Variants in NDUFS4 observed in about 807,000 individuals in gnomAD.
The protein encoded by NDUFS4 is NADH dehydrogenase [ubiquinone] iron-sulfur protein 4, mitochondrial.
In NDUFS4, 28 loss-of-function variants were observed where a neutral mutation model predicts 24.3. That is an observed-to-expected ratio of 1.15 (90% CI 0.85 to 1.58). The LOEUF is 1.58. NDUFS4 is among the 40% of genes most tolerant of loss of function. The probability of loss-of-function intolerance (pLI) is 0.00; values close to 1 mark genes in which losing one functional copy is unlikely to be tolerated. For synonymous variants in NDUFS4, 93 were observed against 69.7 expected (o/e 1.34, Z -1.67); for missense variants, 223 against 207.9 (o/e 1.07, Z -0.45).
intron 4 of NDUFS4, among the ~76,000 whole-genome samples, chr5:53,682,558 T>TTTGAG (rs1243422401): frequency 1.3e-5 from 2 of 149,544 alleles, no homozygotes; most frequent in Non-Finnish European, 3.0e-5. Flanking sequence ...AAAATCAATT[T>TTTGAG]TTGAGTTTAA....
intron 1 of NDUFS4, among the ~76,000 whole-genome samples, chr5:53,574,353 A>T (rs941467207): frequency 2.6e-5 from 4 of 152,082 alleles, no homozygotes; most frequent in Non-Finnish European, 5.9e-5. Flanking sequence ...TCTTCTTTAG[A>T]CTGTTAATGT....
chr5:53,668,611 A>C (rs1383869478), intron 4 of NDUFS4, among the ~76,000 whole-genome samples: 5 of 143,642 alleles, frequency 3.5e-5, no homozygotes, highest in Non-Finnish European at 6.1e-5. Context: ...CACCATGTCC[A>C]GCTAATTTTT....
At chr5:53,654,056 A>G (rs1752094787) in intron 3 of NDUFS4, among the ~76,000 whole-genome samples, 1 of 152,136 alleles carries the variant, frequency 6.6e-6, no homozygotes, top group Non-Finnish European at 1.5e-5. Context: ...TGCATTGGCT[A>G]GAATTTGCAA....
chr5:53,564,663 A>G (rs1176154877), intron 1 of NDUFS4, among the ~76,000 whole-genome samples: 1 of 152,026 alleles, frequency 6.6e-6, no homozygotes, highest in Non-Finnish European at 1.5e-5. Context: ...CTTAGTCTTC[A>G]CAGGCAGCTG....
chr5:53,560,795 T>C (rs1748811466), intron 1 of NDUFS4, 35 bp downstream of exon 1: 1 of 1,613,526 alleles, frequency 6.2e-7, no homozygotes, highest in Non-Finnish European at 8.5e-7. Flanking sequence ...TCAAGCTTCT[T>C]GGGTCCCTCC....
chr5:53,631,274 A>G (rs693204), intron 2 of NDUFS4, among the ~76,000 whole-genome samples: 31,076 of 152,100 alleles, frequency 0.2, 3,709 homozygotes, highest in East Asian at 0.46. Context: ...CCATAGAGGC[A>G]CCTGCCAGAT....
At chr5:53,609,393 A>G (rs1208007096) in intron 2 of NDUFS4, among the ~76,000 whole-genome samples, 2 of 152,172 alleles carry the variant, frequency 1.3e-5, no homozygotes, top group Non-Finnish European at 2.9e-5. Flanking sequence ...TTTGAAAATA[A>G]TCTTTTTTTC....
chr5:53,595,025 G>A (rs1336160436), intron 1 of NDUFS4, among the ~76,000 whole-genome samples: 1 of 151,976 alleles, frequency 6.6e-6, no homozygotes, highest in Non-Finnish European at 1.5e-5. Context: ...TTATTGAATA[G>A]CCCACCTTTT....
intron 1 of NDUFS4, among the ~76,000 whole-genome samples, chr5:53,602,874 C>T (rs1271166491): frequency 1.3e-5 from 2 of 152,096 alleles, no homozygotes; most frequent in East Asian, 1.9e-4. Context: ...TATAAAGGGG[C>T]TAGATTCTCT....
chr5:53,560,762 T>C lies in NDUFS4; in HGVS notation c.98+2T>C. 1 of 1,614,186 alleles carries C rather than the reference T, an allele frequency of 6.2e-7. No individual in the cohort carries two copies. The highest frequency in any genetic ancestry group is 8.5e-7 in the Non-Finnish European group (1 of 1,180,040). On this transcript the variant is annotated splice_donor_variant, in intron 1 of 4. Coordinates refer to ENST00000296684, the MANE Select transcript of NDUFS4 (RefSeq NM_002495.4). LOFTEE classifies it high-confidence loss of function. ...TTCCGTTTCCAGGGTTCCGACCAGG[T>C]AATAGAATTTTCACACTTTTCTTCA... is the stretch of plus-strand genomic sequence containing the variant.
chr5:53,675,179 T>C (rs1264285366), intron 4 of NDUFS4, among the ~76,000 whole-genome samples: 1 of 146,232 alleles, frequency 6.8e-6, no homozygotes, highest in African/African-American at 2.5e-5. Flanking sequence ...TTTTTTTTTT[T>C]GAGGCGGAGT....
intron 4 of NDUFS4, among the ~76,000 whole-genome samples, chr5:53,680,854 A>AAAT (rs1359848656): frequency 2.0e-5 from 3 of 152,082 alleles, no homozygotes; most frequent in Non-Finnish European, 2.9e-5. Flanking sequence ...AATAATAAAA[A>AAAT]AATACATTTC....
At chr5:53,561,453 C>G (rs1178294471) in intron 1 of NDUFS4, among the ~76,000 whole-genome samples, 1 of 151,222 alleles carries the variant, frequency 6.6e-6, no homozygotes, top group Non-Finnish European at 1.5e-5. Flanking sequence ...AAAGTATTGT[C>G]AGATTCAGTT....
At chr5:53,670,237 T>C (rs1286605671) in intron 4 of NDUFS4, among the ~76,000 whole-genome samples, 1 of 151,980 alleles carries the variant, frequency 6.6e-6, no homozygotes, top group African/African-American at 2.4e-5. Context: ...TGACAGCACC[T>C]AACCTTCTAG....
At chr5:53,603,563 C>T (rs1169448872) in intron 2 of NDUFS4, 33 bp downstream of exon 2, 3 of 1,536,648 alleles carry the variant, frequency 2.0e-6, no homozygotes, top group Non-Finnish European at 2.7e-6. Context: ...TGCTATGGTT[C>T]TGCCTTCAGG....
At chr5:53,601,319 G>T (rs1185108500) in intron 1 of NDUFS4, among the ~76,000 whole-genome samples, 1 of 152,064 alleles carries the variant, frequency 6.6e-6, no homozygotes, top group Non-Finnish European at 1.5e-5. Flanking sequence ...GTTTACAAAA[G>T]ATGTTATATA....
intron 2 of NDUFS4, among the ~76,000 whole-genome samples, chr5:53,631,951 G>C (rs1751423202): frequency 6.6e-6 from 1 of 152,150 alleles, no homozygotes; most frequent in African/African-American, 2.4e-5. Flanking sequence ...AGCTTCCCTT[G>C]GCTAGGAAAG....
chr5:53,607,054 A>T (rs945521550), intron 2 of NDUFS4, among the ~76,000 whole-genome samples: 25 of 152,206 alleles, frequency 1.6e-4, no homozygotes, highest in African/African-American at 5.8e-4. Context: ...CCTGCAGTTG[A>T]TTTAATCCAC....
intron 2 of NDUFS4, among the ~76,000 whole-genome samples, chr5:53,633,512 C>T (rs1382897213): frequency 1.3e-5 from 2 of 152,126 alleles, no homozygotes; most frequent in African/African-American, 2.4e-5. Flanking sequence ...TAGATCACAC[C>T]TCCTTTATCC....
Sources: gnomAD v4.1 joint callset for allele counts (sites outside exome capture counted in the v4.1 genomes callset) on GRCh38, gnomAD v4.1.1 for gene constraint, MANE v1.5 for transcripts, NCBI Gene and HGNC (gene_info 2026-07-23, HGNC 2026-07-21) for gene names.